Variants in HIVEP3 observed in about 807,000 individuals in gnomAD.
The protein encoded by HIVEP3 is HIVEP zinc finger 3, also known as transcription factor HIVEP3.
In HIVEP3, 49 loss-of-function variants were observed where a neutral mutation model predicts 152.8. The ratio of observed to expected loss-of-function variants is 0.32; its 90% CI spans 0.26 to 0.41. HIVEP3 has a LOEUF of 0.41. HIVEP3 is among the 10% of genes least tolerant of loss of function. HIVEP3 has a pLI of 1.00. For missense variants in HIVEP3, 2,790 were observed against 3,103.3 expected, an observed-to-expected ratio of 0.90 and a Z score of 2.40; for synonymous variants, 1,269 against 1,289.0, an observed-to-expected ratio of 0.98 and a Z score of 0.33.
chr1:41,902,904 C>T (rs867846338), intron 1 of HIVEP3, among the ~76,000 whole-genome samples: 1 of 152,162 alleles, frequency 6.6e-6, no homozygotes, highest in South Asian at 2.1e-4. Context: ...TCTTGGACAA[C>T]TATAGGGTGT....
intron 2 of HIVEP3, among the ~76,000 whole-genome samples, chr1:41,638,407 GAAGGAAGT>G (rs1337162863): frequency 6.7e-6 from 1 of 150,220 alleles, no homozygotes; most frequent in Non-Finnish European, 1.5e-5. Context: ...AGAAAGAAAG[GAAGGAAGT>G]AAGGAAGAAA....
In HIVEP3 at chr1:41,587,721, A is replaced by G. The variant is rs114230077; in HGVS notation, c.-521-2403T>C. Among the ~76,000 whole-genome samples the G allele has an allele frequency of 3.9e-3, 595 of 152,300 alleles. 6 individuals are homozygous for G. Among genetic ancestry groups the G allele is most frequent in the African/African-American group, 0.013 (554 of 41,566 alleles). On this transcript the variant is annotated intron_variant, in intron 3 of 8. Coordinates refer to ENST00000372583, the MANE Select transcript of HIVEP3 (RefSeq NM_024503.5). ...CTTGACAGAAGAGACTGAAGGCTAG[A>G]AAGGTGATATGATTTTCCCTGAAAA...
intron 2 of HIVEP3, among the ~76,000 whole-genome samples, chr1:41,642,412 A>T (rs1645387922): frequency 6.6e-6 from 1 of 152,114 alleles, no homozygotes; most frequent in East Asian, 1.9e-4. Context: ...CTCCATTTTA[A>T]CGTGGCTAAA....
intron 5 of HIVEP3, among the ~76,000 whole-genome samples, chr1:41,538,692 C>A (rs1388722948): frequency 6.6e-6 from 1 of 152,172 alleles, no homozygotes; most frequent in African/African-American, 2.4e-5. Flanking sequence ...TAAGAGCCAG[C>A]AAGCAGGCAC....
chr1:41,647,563 G>A (rs1645479531), intron 2 of HIVEP3, among the ~76,000 whole-genome samples: 1 of 152,228 alleles, frequency 6.6e-6, no homozygotes, highest in South Asian at 2.1e-4. Context: ...CATAGTATGG[G>A]AGGTTCCAGT....
At chr1:41,845,336 T>C (rs1173065003) in intron 1 of HIVEP3, among the ~76,000 whole-genome samples, 1 of 151,750 alleles carries the variant, frequency 6.6e-6, no homozygotes, top group Non-Finnish European at 1.5e-5. Context: ...TAAATACTAG[T>C]AGAATGGATA....
intron 1 of HIVEP3, among the ~76,000 whole-genome samples, chr1:41,746,101 A>C (rs1647067564): frequency 6.6e-6 from 1 of 152,176 alleles, no homozygotes; most frequent in Non-Finnish European, 1.5e-5. Flanking sequence ...TCCACTCTGA[A>C]GCAATCATTT....
chr1:41,661,956 C>G (rs1645719059), intron 2 of HIVEP3, among the ~76,000 whole-genome samples: 1 of 152,158 alleles, frequency 6.6e-6, no homozygotes, highest in Non-Finnish European at 1.5e-5. Flanking sequence ...AAGCCGGGGC[C>G]CCTCACTCCA....
intron 1 of HIVEP3, among the ~76,000 whole-genome samples, chr1:41,931,246 T>C (rs1644994442): frequency 6.6e-6 from 1 of 152,102 alleles, no homozygotes; most frequent in Admixed American, 6.6e-5. Flanking sequence ...AGTTTCATCT[T>C]TTACATTTAG....
In HIVEP3 at chr1:41,510,605, C is replaced by T; in HGVS notation, c.7067G>A (p.Gly2356Asp). Residue 2356 changes from glycine (G) to aspartate (D), a missense_variant, in exon 9 of 9, where the codon GGC (glycine) becomes GAC (aspartate). Coordinates refer to ENST00000372583, the MANE Select transcript of HIVEP3 (RefSeq NM_024503.5). ...TPPLDRSSSVGCLAEASARFP... is the reference protein window; with the variant it reads ...TPPLDRSSSVDCLAEASARFP... Reference sequence around the variant, plus strand: ...GCGGGCAGAGGCCTCTGCCAGGCAGCCCACAGAGCTGCTGCGGTCCAGCGG... The same window carrying T: ...GCGGGCAGAGGCCTCTGCCAGGCAGTCCACAGAGCTGCTGCGGTCCAGCGG... The T allele has an allele frequency of 6.4e-7, 1 of 1,555,336 alleles. No homozygotes were observed. The highest frequency in any genetic ancestry group is 8.7e-7 in the Non-Finnish European group (1 of 1,150,156).
intron 2 of HIVEP3, among the ~76,000 whole-genome samples, chr1:41,665,707 T>TACACACACAC (rs10530354): frequency 0.076 from 9,722 of 127,944 alleles, 632 homozygotes; most frequent in Admixed American, 0.2. Flanking sequence ...GGAAATGTTA[T>TACACACACAC]ACACACACAC....
chr1:41,818,396 C>T (rs944324964), intron 1 of HIVEP3, among the ~76,000 whole-genome samples: 1 of 152,170 alleles, frequency 6.6e-6, no homozygotes, highest in Non-Finnish European at 1.5e-5. Flanking sequence ...AAACAGTCTG[C>T]AGTATATAGT....
chr1:41,876,157 G>T (rs904679375), intron 1 of HIVEP3, among the ~76,000 whole-genome samples: 2 of 151,184 alleles, frequency 1.3e-5, no homozygotes, highest in African/African-American at 4.9e-5. Context: ...GTAAGAATAA[G>T]GGGTATTCAT....
At chr1:41,909,290 C>T (rs1437875155) in intron 1 of HIVEP3, among the ~76,000 whole-genome samples, 1 of 152,132 alleles carries the variant, frequency 6.6e-6, no homozygotes, top group Non-Finnish European at 1.5e-5. Context: ...AAAAGCTGTA[C>T]TTCAGGCTCT....
intron 1 of HIVEP3, among the ~76,000 whole-genome samples, chr1:41,845,815 C>A (rs1286309910): frequency 1.3e-5 from 2 of 151,966 alleles, no homozygotes; most frequent in African/African-American, 2.4e-5. Context: ...ACCTGTAATC[C>A]CAGCACTTTG....
At chr1:41,754,024 G>A (rs1172728132) in intron 1 of HIVEP3, among the ~76,000 whole-genome samples, 3 of 151,718 alleles carry the variant, frequency 2.0e-5, no homozygotes, top group Non-Finnish European at 4.4e-5. Flanking sequence ...AGTGAGCTCT[G>A]TGGACAGCTG....
chr1:41,602,246 T>C (rs939835785), intron 3 of HIVEP3, among the ~76,000 whole-genome samples: 3 of 152,210 alleles, frequency 2.0e-5, no homozygotes, highest in African/African-American at 7.2e-5. Flanking sequence ...ATCAGAGTAA[T>C]GCTAGCCTCA....
At chr1:41,531,870 G>A in intron 5 of HIVEP3, among the ~76,000 whole-genome samples, 1 of 61,538 alleles carries the variant, frequency 1.6e-5, no homozygotes, top group African/African-American at 5.6e-5. Context: ...ATGGAGGACA[G>A]GAGAGATGGA....
At chr1:42,002,159 A>G (rs1276589580) in intron 1 of HIVEP3, among the ~76,000 whole-genome samples, 1 of 152,222 alleles carries the variant, frequency 6.6e-6, no homozygotes, top group Non-Finnish European at 1.5e-5. Flanking sequence ...ACAATTAGCA[A>G]CTGTCTGACA....
Sources: gnomAD v4.1 joint callset for allele counts (sites outside exome capture counted in the v4.1 genomes callset) on GRCh38, gnomAD v4.1.1 for gene constraint, MANE v1.5 for transcripts, NCBI Gene and HGNC (gene_info 2026-07-23, HGNC 2026-07-21) for gene names.